Variants in NPAS3 observed in about 807,000 individuals in gnomAD.
The protein encoded by NPAS3 is neuronal PAS domain-containing protein 3.
Under a neutral mutation model 73.1 loss-of-function variants are expected in NPAS3, and 14 were observed. The observed-to-expected ratio is 0.19, with a 90% CI of 0.13 to 0.30. The LOEUF (loss-of-function observed/expected upper bound fraction) is 0.30. Among genes scored for constraint, NPAS3 ranks in the 10% least tolerant of loss-of-function variants. The pLI is 1.00. For missense variants in NPAS3, 1,096 were observed against 1,250.0 expected (o/e 0.88, Z 1.86); for synonymous variants, 620 against 541.5 (o/e 1.14, Z -2.01).
At chr14:33,316,581 T>C (rs1385039631) in intron 3 of NPAS3, among the ~76,000 whole-genome samples, 3 of 152,118 alleles carry the variant, frequency 2.0e-5, no homozygotes, top group Non-Finnish European at 2.9e-5. Context: ...GCCTCAGTGT[T>C]GACTAATAAA....
At chr14:33,639,989 G>T (rs1447767817) in intron 5 of NPAS3, among the ~76,000 whole-genome samples, 2 of 152,076 alleles carry the variant, frequency 1.3e-5, no homozygotes, top group Admixed American at 6.6e-5. Context: ...AGGCCGAAGT[G>T]GGTGGATCAC....
chr14:33,596,025 C>G (rs188942920), intron 5 of NPAS3, among the ~76,000 whole-genome samples: 2 of 152,180 alleles, frequency 1.3e-5, no homozygotes, highest in African/African-American at 4.8e-5. Flanking sequence ...CACTTTACGT[C>G]GGTACCAATG....
intron 1 of NPAS3, among the ~76,000 whole-genome samples, chr14:33,017,218 C>T (rs961670684): frequency 8.5e-5 from 13 of 152,256 alleles, no homozygotes; most frequent in South Asian, 2.1e-4. Flanking sequence ...TAAAATTAGA[C>T]GTGTTCTGTG....
In NPAS3 at chr14:33,444,342, C is replaced by T. The variant is rs75060828; in HGVS notation, c.468+77074C>T. On this transcript the variant is annotated intron_variant, in intron 4 of 11. Transcript: ENST00000356141. ...AAGCAGGGGGTGAAAACTTGCCAAA[C>T]AAGTCATGTGAGCAGTGACGGGATG... is the stretch of plus-strand genomic sequence containing the variant. 5.3e-3 allele frequency among the ~76,000 whole-genome samples: 814 copies of T among 152,248 alleles called. 10 individuals carry two copies. The highest frequency in any genetic ancestry group is 0.024 in the Middle Eastern group (7 of 294).
intron 5 of NPAS3, among the ~76,000 whole-genome samples, chr14:33,588,699 C>T (rs1433279904): frequency 1.3e-5 from 2 of 152,116 alleles, no homozygotes; most frequent in African/African-American, 2.4e-5. Context: ...CTGCAACCTT[C>T]GCCTCCCAGG....
intron 1 of NPAS3, among the ~76,000 whole-genome samples, chr14:32,969,487 T>G (rs1460521264): frequency 1.3e-5 from 2 of 152,190 alleles, no homozygotes; most frequent in East Asian, 3.9e-4. Flanking sequence ...CTGCCCATAT[T>G]GTGACATAAA....
intron 2 of NPAS3, among the ~76,000 whole-genome samples, chr14:33,101,559 T>A (rs2042578240): frequency 6.6e-6 from 1 of 152,152 alleles, no homozygotes; most frequent in Admixed American, 6.6e-5. Context: ...AATTGCCTCC[T>A]TAGAGGAAGA....
intron 5 of NPAS3, among the ~76,000 whole-genome samples, chr14:33,655,695 C>A (rs2059125690): frequency 6.6e-6 from 1 of 152,088 alleles, no homozygotes; most frequent in Non-Finnish European, 1.5e-5. Flanking sequence ...TTGTTGTTTG[C>A]TTTCGCCTTG....
At chr14:33,292,264 G>T (rs1043721723) in intron 3 of NPAS3, among the ~76,000 whole-genome samples, 1 of 152,084 alleles carries the variant, frequency 6.6e-6, no homozygotes, top group African/African-American at 2.4e-5. Flanking sequence ...CAAACTTTAT[G>T]TAGTGCTTTG....
intron 2 of NPAS3, among the ~76,000 whole-genome samples, chr14:33,107,899 A>T (rs2042772414): frequency 6.6e-6 from 1 of 152,182 alleles, no homozygotes; most frequent in African/African-American, 2.4e-5. Flanking sequence ...GATAACATAG[A>T]TTCATACACA....
intron 7 of NPAS3, among the ~76,000 whole-genome samples, chr14:33,748,233 A>G (rs993828604): frequency 1.3e-5 from 2 of 152,186 alleles, no homozygotes; most frequent in Non-Finnish European, 2.9e-5. Flanking sequence ...AAGTTTAGAG[A>G]TGAGAATATG....
At chr14:33,113,762 G>T (rs2042972565) in intron 2 of NPAS3, among the ~76,000 whole-genome samples, 2 of 152,184 alleles carry the variant, frequency 1.3e-5, no homozygotes, top group African/African-American at 2.4e-5. Flanking sequence ...CAAAGGGAAT[G>T]CTTCCAGTTT....
intron 3 of NPAS3, among the ~76,000 whole-genome samples, chr14:33,233,673 T>A (rs1473325421): frequency 6.6e-6 from 1 of 152,130 alleles, no homozygotes; most frequent in Non-Finnish European, 1.5e-5. Context: ...ATTTTAACCC[T>A]TTAATATTTA....
intron 3 of NPAS3, among the ~76,000 whole-genome samples, chr14:33,333,708 T>C (rs2140285315): frequency 6.6e-6 from 1 of 152,220 alleles, no homozygotes; most frequent in South Asian, 2.1e-4. Context: ...AAGAAGTTGA[T>C]TGAAAAATAT....
At chr14:33,302,428 G>A (rs2042589179) in intron 3 of NPAS3, among the ~76,000 whole-genome samples, 1 of 152,134 alleles carries the variant, frequency 6.6e-6, no homozygotes, top group Admixed American at 6.5e-5. Context: ...GGTCAGTATG[G>A]CCAGAAGAAA....
chr14:33,450,242 C>T (rs1033274794), intron 4 of NPAS3, among the ~76,000 whole-genome samples: 2 of 152,118 alleles, frequency 1.3e-5, no homozygotes, highest in Admixed American at 6.5e-5. Context: ...TGATGTTTCT[C>T]GGTTCTACAG....
At chr14:33,319,057 C>T (rs2043326656) in intron 3 of NPAS3, among the ~76,000 whole-genome samples, 1 of 152,082 alleles carries the variant, frequency 6.6e-6, no homozygotes, top group African/African-American at 2.4e-5. Context: ...GATTGTGTGA[C>T]AGCATTCACC....
At chr14:32,997,383 G>C (rs1225761114) in intron 1 of NPAS3, among the ~76,000 whole-genome samples, 7 of 152,146 alleles carry the variant, frequency 4.6e-5, no homozygotes, top group Non-Finnish European at 1.0e-4. Flanking sequence ...GATTGGTTTT[G>C]AAATGTGAAG....
intron 5 of NPAS3, among the ~76,000 whole-genome samples, chr14:33,652,585 T>G (rs2059026724): frequency 1.3e-5 from 2 of 152,234 alleles, no homozygotes; most frequent in African/African-American, 4.8e-5. Flanking sequence ...GGGTGTTAAC[T>G]ACAGGAGTCG....
Sources: gnomAD v4.1 joint callset for allele counts (sites outside exome capture counted in the v4.1 genomes callset) on GRCh38, gnomAD v4.1.1 for gene constraint, MANE v1.5 for transcripts, NCBI Gene and HGNC (gene_info 2026-07-23, HGNC 2026-07-21) for gene names.